The following IGF1R variants were observed in gnomAD, a reference collection of about 807,000 sequenced individuals.
IGF1R encodes the protein insulin-like growth factor 1 receptor.
Under a neutral mutation model 144.6 loss-of-function variants are expected in IGF1R, and 44 were observed. That is an observed-to-expected ratio of 0.30 (90% CI 0.24 to 0.39). IGF1R has a LOEUF of 0.39. IGF1R is among the 10% of genes least tolerant of loss of function. The probability of loss-of-function intolerance (pLI) is 1.00; values close to 1 mark genes in which losing one functional copy is unlikely to be tolerated. For synonymous variants in IGF1R, 795 were observed against 722.8 expected (o/e 1.10, Z -1.60); for missense variants, 1,355 against 1,833.7 (o/e 0.74, Z 4.77).
At chr15:98,797,560 G>A (rs1274763104) in intron 2 of IGF1R, among the ~76,000 whole-genome samples, 3 of 152,208 alleles carry the variant, frequency 2.0e-5, no homozygotes, top group Non-Finnish European at 4.4e-5. Flanking sequence ...GCGGGGTGGT[G>A]TTTTCAGGTG....
At chr15:98,877,062 C>T (rs1161925779) in intron 2 of IGF1R, among the ~76,000 whole-genome samples, 2 of 152,084 alleles carry the variant, frequency 1.3e-5, no homozygotes, top group African/African-American at 4.8e-5. Flanking sequence ...GAGAGGTGAC[C>T]AGAGAAGCTG....
chr15:98,649,934 C>T (rs558758252), intron 1 of IGF1R, among the ~76,000 whole-genome samples: 60 of 152,302 alleles, frequency 3.9e-4, no homozygotes, highest in African/African-American at 1.1e-3. Context: ...TCCGTCCTGA[C>T]AGCCCAGCCG....
At chr15:98,718,985 G>C (rs1001843403) in intron 2 of IGF1R, among the ~76,000 whole-genome samples, 1 of 151,938 alleles carries the variant, frequency 6.6e-6, no homozygotes, top group Middle Eastern at 3.2e-3. Context: ...CCTATTTCTT[G>C]ACCTCTGAAT....
At chr15:98,787,566 T>G (rs1329003974) in intron 2 of IGF1R, among the ~76,000 whole-genome samples, 1 of 152,146 alleles carries the variant, frequency 6.6e-6, no homozygotes, top group African/African-American at 2.4e-5. Flanking sequence ...GTATTGATCC[T>G]TAAAACAGAG....
Position 98,962,366 on chromosome 15 carries a change from G to A in IGF1R, c.*4924G>A, listed in dbSNP as rs1049659429. 4 of 233,492 alleles carry A rather than the reference G, an allele frequency of 1.7e-5. No homozygotes were observed. The highest frequency in any genetic ancestry group is 1.1e-4 in the Admixed American group (2 of 17,786). 14.5% of individuals were successfully genotyped at this position (233,492 alleles called of 1,614,324 possible). On this transcript the variant is annotated 3_prime_UTR_variant, in exon 21 of 21. Transcript: ENST00000650285. ...TGTTGTCAGCTGTCTTCATTTCCTG[G>A]GCTAAGCAGCATTGGGAGATGTGGA...
intron 2 of IGF1R, among the ~76,000 whole-genome samples, chr15:98,860,197 C>CA (rs1270559838): frequency 6.6e-6 from 1 of 152,250 alleles, no homozygotes; most frequent in East Asian, 1.9e-4. Context: ...TGAAATGGCA[C>CA]ACCGTTTCTT....
intron 2 of IGF1R, among the ~76,000 whole-genome samples, chr15:98,859,267 T>C (rs968326966): frequency 6.6e-6 from 1 of 152,188 alleles, no homozygotes; most frequent in Non-Finnish European, 1.5e-5. Flanking sequence ...CAACAGCCGA[T>C]GAGGTAGATT....
At chr15:98,869,390 G>A (rs560394956) in intron 2 of IGF1R, among the ~76,000 whole-genome samples, 3 of 149,468 alleles carry the variant, frequency 2.0e-5, no homozygotes, top group African/African-American at 7.3e-5. Context: ...CACACCACAT[G>A]AGAAGGAAGA....
intron 2 of IGF1R, among the ~76,000 whole-genome samples, chr15:98,756,687 T>C (rs1374619350): frequency 6.6e-6 from 1 of 152,210 alleles, no homozygotes; most frequent in Non-Finnish European, 1.5e-5. Context: ...TTAAGTTTAT[T>C]AAGTTGAATG....
intron 2 of IGF1R, among the ~76,000 whole-genome samples, chr15:98,807,982 C>A (rs1462577627): frequency 6.6e-6 from 1 of 152,182 alleles, no homozygotes; most frequent in East Asian, 1.9e-4. Context: ...TTTCTGAGAA[C>A]AGTTCCAATG....
At chr15:98,868,020 A>G (rs2715445) in intron 2 of IGF1R, among the ~76,000 whole-genome samples, 35,492 of 151,976 alleles carry the variant, frequency 0.23, 4,520 homozygotes, top group East Asian at 0.41. Flanking sequence ...GGCCAACGTG[A>G]CGAAACCCCG....
chr15:98,801,568 A>G (rs568544055), intron 2 of IGF1R, among the ~76,000 whole-genome samples: 6 of 152,336 alleles, frequency 3.9e-5, no homozygotes, highest in African/African-American at 1.4e-4. Context: ...ACAGGGAGCA[A>G]ACCCCAAGCC....
intron 18 of IGF1R, 148 bp downstream of exon 18, chr15:98,939,508 T>A: frequency 1.2e-6 from 1 of 816,276 alleles, no homozygotes; most frequent in East Asian, 2.5e-5. Flanking sequence ...TTGTCTCCAG[T>A]TGATGGTCAC....
chr15:98,944,717 C>G (rs1469342806), intron 19 of IGF1R, among the ~76,000 whole-genome samples: 1 of 152,244 alleles, frequency 6.6e-6, no homozygotes, highest in East Asian at 1.9e-4. Context: ...TGCAGTCAGG[C>G]CCAGTCCCCA....
At chr15:98,668,142 G>GTA (rs1246213587) in intron 1 of IGF1R, among the ~76,000 whole-genome samples, 1 of 152,162 alleles carries the variant, frequency 6.6e-6, no homozygotes, top group Admixed American at 6.5e-5. Flanking sequence ...ACAGGGTGGA[G>GTA]AGAGCAAGGG....
At position 98,878,663 on chromosome 15, in the gene IGF1R, C is replaced by CAAAAAAAAAAAAAAAAAAAAAAAA. The variant is rs138285597; in HGVS notation, c.641-12653_641-12630dup. Among the ~76,000 whole-genome samples the CAAAAAAAAAAAAAAAAAAAAAAAA allele has an allele frequency of 5.2e-5, 3 of 57,908 alleles. 1 individual carries two copies. The highest frequency in any genetic ancestry group is 2.1e-4 in the African/African-American group (2 of 9,614). The allele number at this position is 57,908 out of a possible 152,430, so 38.0% of individuals were successfully genotyped here. ...TCTCTCTTCTTATTTGTGAAAGACT[C>CAAAAAAAAAAAAAAAAAAAAAAAA]AAAAAAAAAAAAAAAAAAAAAAAAA... On this transcript the variant is annotated intron_variant, in intron 2 of 20. Coordinates refer to ENST00000650285, the MANE Select transcript of IGF1R (RefSeq NM_000875.5).
chr15:98,891,246 A>C lies in IGF1R; in HGVS notation c.641-79A>C. On this transcript the variant is annotated intron_variant, in intron 2 of 20. Transcript: ENST00000650285. The surrounding 1 kb of genome is among the most constrained non-coding windows in gnomAD (Gnocchi z 4.7). Reference sequence around the variant, plus strand: ...TGCTGGTGGTAGCAGTGAATGACCCAGAAGGATGCTGGCCAGGCCCAGAGA... The same window carrying C: ...TGCTGGTGGTAGCAGTGAATGACCCCGAAGGATGCTGGCCAGGCCCAGAGA... 1 of 1,367,906 alleles carries C rather than the reference A, an allele frequency of 7.3e-7. No individual in the cohort carries two copies. The highest frequency in any genetic ancestry group is 1.0e-6 in the Non-Finnish European group (1 of 982,108). The allele number at this position is 1,367,906 out of a possible 1,614,324, so 84.7% of individuals were successfully genotyped here.
rs1312332461 is a variant in IGF1R, at chr15:98,655,089, C to T, written c.94+5414C>T. On this transcript the variant is annotated intron_variant, in intron 1 of 20. Transcript: ENST00000650285. Reference sequence around the variant, plus strand: ...TAAAACTTTGATATATGTACACATCCCCTCATGCCTGCACCCCCATCCCCG... The same window carrying T: ...TAAAACTTTGATATATGTACACATCTCCTCATGCCTGCACCCCCATCCCCG... Among the ~76,000 whole-genome samples, 4 of 152,134 alleles carry T rather than the reference C, an allele frequency of 2.6e-5. No individual in the cohort carries two copies. In the East Asian group the frequency reaches 7.7e-4, roughly 29 times the overall value.
chr15:98,732,415 T>C (rs1400908590), intron 2 of IGF1R, among the ~76,000 whole-genome samples: 3 of 152,182 alleles, frequency 2.0e-5, no homozygotes, highest in African/African-American at 7.2e-5. Flanking sequence ...CCTAGGAGAC[T>C]GGACCTGACT....
Sources: gnomAD v4.1 joint callset for allele counts (sites outside exome capture counted in the v4.1 genomes callset) on GRCh38, gnomAD v4.1.1 for gene constraint, Gnocchi (gnomAD v3.1) non-coding constraint, MANE v1.5 for transcripts, NCBI Gene and HGNC (gene_info 2026-07-23, HGNC 2026-07-21) for gene names.